Variants in ZBTB20 observed in about 807,000 individuals in gnomAD.
ZBTB20 encodes the protein zinc finger and BTB domain containing 20, also known as zinc finger and BTB domain-containing protein 20.
A neutral mutation model predicts 56.9 loss-of-function variants in ZBTB20; 9 were observed. That is an observed-to-expected ratio of 0.16 (90% confidence interval 0.10 to 0.28). The LOEUF (loss-of-function observed/expected upper bound fraction) is 0.28. Ranked by LOEUF, ZBTB20 falls within the 10% of genes least tolerant of loss-of-function variation. The pLI, the probability that ZBTB20 is intolerant of heterozygous loss-of-function variation, is 1.00. For missense variants in ZBTB20, 655 were observed against 1,003.0 expected (o/e 0.65, Z 4.69); for synonymous variants, 417 against 420.7 (o/e 0.99, Z 0.11).
At chr3:114,590,105 A>AT (rs1026245814) in intron 6 of ZBTB20, among the ~76,000 whole-genome samples, 1 of 152,150 alleles carries the variant, frequency 6.6e-6, no homozygotes, top group African/African-American at 2.4e-5. Context: ...TCTACTGCAT[A>AT]TTTTTTTAAC....
At chr3:114,906,225 C>T (rs955463899) in intron 3 of ZBTB20, among the ~76,000 whole-genome samples, 2 of 151,748 alleles carry the variant, frequency 1.3e-5, no homozygotes, top group African/African-American at 4.8e-5. Context: ...AAATTTAGAG[C>T]AGTAGCTTTC....
At chr3:115,042,664 T>C (rs950050907) in intron 2 of ZBTB20, among the ~76,000 whole-genome samples, 2 of 152,230 alleles carry the variant, frequency 1.3e-5, no homozygotes, top group Admixed American at 6.5e-5. Flanking sequence ...ACTGGTCAAA[T>C]TCAGCATATA....
intron 6 of ZBTB20, among the ~76,000 whole-genome samples, chr3:114,598,691 T>C (rs11705850): frequency 0.094 from 14,273 of 152,138 alleles, 779 homozygotes; most frequent in African/African-American, 0.14. Context: ...GGTAAGGTTA[T>C]GAGGAATTTT....
intron 6 of ZBTB20, among the ~76,000 whole-genome samples, chr3:114,553,278 C>A (rs1473641346): frequency 1.3e-5 from 2 of 152,144 alleles, no homozygotes; most frequent in African/African-American, 2.4e-5. Flanking sequence ...CATAGTAGCT[C>A]TGTTTATACC....
At chr3:115,005,195 C>T (rs1036739555) in intron 2 of ZBTB20, among the ~76,000 whole-genome samples, 3 of 151,670 alleles carry the variant, frequency 2.0e-5, no homozygotes, top group Non-Finnish European at 4.4e-5. Context: ...TGTGGCTGAA[C>T]CTCAATTAAA....
intron 7 of ZBTB20, among the ~76,000 whole-genome samples, chr3:114,489,118 T>C (rs563597912): frequency 1.3e-5 from 2 of 152,330 alleles, no homozygotes; most frequent in East Asian, 3.9e-4. Context: ...TTGCTCTTTA[T>C]AAATACTATC....
At chr3:114,702,994 T>TTGTG (rs138375005) in intron 5 of ZBTB20, among the ~76,000 whole-genome samples, 2 of 145,986 alleles carry the variant, frequency 1.4e-5, no homozygotes, top group African/African-American at 2.5e-5. Context: ...TTACACAAAT[T>TTGTG]TGTGTGTGTG....
rs139677520 is a variant in ZBTB20 at position 114,948,615 on chromosome 3, ACT to A, written c.-456+25749_-456+25750del. On this transcript the variant is annotated intron_variant, in intron 3 of 11. Coordinates refer to ENST00000675478, the MANE Select transcript of ZBTB20 (RefSeq NM_001348800.3). ...TCTCTCTCTCTCCTCTCTCTTTCTGACTCTCTCTCTCTCTCTGTGTCATAGAT... is the reference window on the plus strand; with the variant it reads ...TCTCTCTCTCTCCTCTCTCTTTCTGACTCTCTCTCTCTCTGTGTCATAGAT... 5.0e-3 allele frequency among the ~76,000 whole-genome samples: 711 copies of A among 140,990 alleles called. 16 individuals carry two copies. The highest frequency in any genetic ancestry group is 5.9e-3 in the Non-Finnish European group (391 of 66,518). The allele number at this position is 140,990 out of a possible 152,430, so 92.5% of individuals were successfully genotyped here. A position where few individuals can be genotyped will look rare whatever the true frequency, so the allele number is the denominator to read the frequency against.
At chr3:114,511,286 G>A (rs549884272) in intron 6 of ZBTB20, among the ~76,000 whole-genome samples, 9 of 152,108 alleles carry the variant, frequency 5.9e-5, no homozygotes, top group Admixed American at 1.3e-4. Context: ...TCTAGGTCTT[G>A]TAAGAAGCTT....
chr3:114,837,267 G>A (rs541231856), intron 4 of ZBTB20, among the ~76,000 whole-genome samples: 3 of 152,266 alleles, frequency 2.0e-5, no homozygotes, highest in South Asian at 2.1e-4. Flanking sequence ...ATGTATGTGA[G>A]TATGCACATG....
intron 7 of ZBTB20, among the ~76,000 whole-genome samples, chr3:114,398,894 AT>A (rs1338288943): frequency 6.6e-6 from 1 of 152,160 alleles, no homozygotes; most frequent in African/African-American, 2.4e-5. Context: ...TGGAGACACA[AT>A]ACATTGGTGA....
At chr3:114,816,563 T>C (rs2072932490) in intron 4 of ZBTB20, among the ~76,000 whole-genome samples, 1 of 152,138 alleles carries the variant, frequency 6.6e-6, no homozygotes, top group Admixed American at 6.5e-5. Context: ...GACTAAACCT[T>C]AGAATATATG....
At chr3:114,576,632 C>T (rs1373939276) in intron 6 of ZBTB20, among the ~76,000 whole-genome samples, 1 of 143,078 alleles carries the variant, frequency 7.0e-6, no homozygotes, top group Non-Finnish European at 1.5e-5. Context: ...CTAAATTTCT[C>T]ATTTCATGTA....
intron 6 of ZBTB20, among the ~76,000 whole-genome samples, chr3:114,605,750 T>C (rs908988829): frequency 3.3e-5 from 5 of 152,094 alleles, no homozygotes; most frequent in African/African-American, 1.2e-4. Flanking sequence ...GTGGGTGCCT[T>C]AGCTGAAACT....
intron 6 of ZBTB20, among the ~76,000 whole-genome samples, chr3:114,604,088 A>G (rs999837947): frequency 6.6e-6 from 1 of 152,122 alleles, no homozygotes; most frequent in Non-Finnish European, 1.5e-5. Context: ...GAAATGATTT[A>G]TATATAAGGT....
chr3:114,868,939 A>T (rs2075879923), intron 4 of ZBTB20, among the ~76,000 whole-genome samples: 1 of 152,042 alleles, frequency 6.6e-6, no homozygotes, highest in Admixed American at 6.6e-5. Flanking sequence ...TTGCAGGAAA[A>T]AGGTTCCATA....
intron 6 of ZBTB20, among the ~76,000 whole-genome samples, chr3:114,606,356 A>G (rs1289446338): frequency 6.6e-6 from 1 of 152,124 alleles, no homozygotes; most frequent in Admixed American, 6.6e-5. Context: ...TCTCCTGCTG[A>G]CTTACCGTTC....
chr3:114,822,935 T>C (rs997357081), intron 4 of ZBTB20, among the ~76,000 whole-genome samples: 4 of 152,066 alleles, frequency 2.6e-5, no homozygotes, highest in East Asian at 1.9e-4. Context: ...GATCCTATTA[T>C]ATCAAAAGAA....
Position 114,338,234 on chromosome 3 carries a change from C to T in ZBTB20, c.*771G>A, listed in dbSNP as rs2079527786. ...TCTTGATTGTGCTGAGGCTGTGGCT[C>T]AGCGAAGACACTGAATAAATACGAT... On this transcript the variant is annotated 3_prime_UTR_variant, in exon 12 of 12. Transcript: ENST00000675478. 1 of 152,112 alleles carries T rather than the reference C, an allele frequency of 6.6e-6. No individual in the cohort carries two copies. Among genetic ancestry groups the T allele is most frequent in the Non-Finnish European group, 1.5e-5 (1 of 68,044 alleles). The allele number at this position is 152,112 out of a possible 1,614,324, so 9.4% of individuals were successfully genotyped here.
Sources: gnomAD v4.1 joint callset for allele counts (sites outside exome capture counted in the v4.1 genomes callset) on GRCh38, gnomAD v4.1.1 for gene constraint, MANE v1.5 for transcripts, NCBI Gene and HGNC (gene_info 2026-07-23, HGNC 2026-07-21) for gene names.